Variants in DOCK3 observed in about 807,000 individuals in gnomAD.
DOCK3 encodes the protein dedicator of cytokinesis protein 3.
Under a neutral mutation model 265.6 loss-of-function variants are expected in DOCK3, and 60 were observed. The observed-to-expected ratio is 0.23, with a 90% CI of 0.18 to 0.28. The LOEUF (loss-of-function observed/expected upper bound fraction) is 0.28, where lower values mean the gene tolerates loss of function less well. DOCK3 is among the 10% of genes least tolerant of loss of function. The pLI, the probability that DOCK3 is intolerant of heterozygous loss-of-function variation, is 1.00. For synonymous variants in DOCK3, 881 were observed against 938.0 expected, an observed-to-expected ratio of 0.94 and a Z score of 1.11; for missense variants, 1,981 against 2,594.3, an observed-to-expected ratio of 0.76 and a Z score of 5.14.
At chr3:50,815,761 A>G (rs2044035820) in intron 2 of DOCK3, among the ~76,000 whole-genome samples, 1 of 152,198 alleles carries the variant, frequency 6.6e-6, no homozygotes, top group Non-Finnish European at 1.5e-5. Flanking sequence ...TCAAAAGACA[A>G]AATTACAACG....
intron 27 of DOCK3, among the ~76,000 whole-genome samples, chr3:51,297,605 A>C (rs2109289508): frequency 6.6e-6 from 1 of 152,234 alleles, no homozygotes; most frequent in African/African-American, 2.4e-5. Flanking sequence ...TCATTAAGGA[A>C]ATGTAAATTA....
At chr3:51,314,473 C>A (rs780613241) in intron 31 of DOCK3, among the ~76,000 whole-genome samples, 1 of 152,172 alleles carries the variant, frequency 6.6e-6, no homozygotes, top group Non-Finnish European at 1.5e-5. Flanking sequence ...TGAACATAGG[C>A]AGTGTAAAAA....
At chr3:51,344,344 G>A (rs2085424138) in intron 38 of DOCK3, among the ~76,000 whole-genome samples, 1 of 152,222 alleles carries the variant, frequency 6.6e-6, no homozygotes, top group Non-Finnish European at 1.5e-5. Flanking sequence ...TATTAGGCCA[G>A]GCAAGGTGGC....
intron 5 of DOCK3, among the ~76,000 whole-genome samples, chr3:50,996,661 A>T (rs533542620): frequency 6.6e-6 from 1 of 152,044 alleles, no homozygotes; most frequent in Non-Finnish European, 1.5e-5. Context: ...TGGGGGGAAA[A>T]CTGTGTAACG....
chr3:51,130,072 C>T (rs965740958), intron 9 of DOCK3, among the ~76,000 whole-genome samples: 5 of 152,206 alleles, frequency 3.3e-5, no homozygotes, highest in Non-Finnish European at 5.9e-5. Flanking sequence ...AGGAATATCT[C>T]GACAAGCCCC....
intron 40 of DOCK3, 90 bp from the exon 41 acceptor site, chr3:51,354,792 G>T: frequency 2.0e-6 from 3 of 1,537,032 alleles, no homozygotes; most frequent in Non-Finnish European, 2.6e-6. Flanking sequence ...CCTAAGATAT[G>T]TTTGTGCTAT....
chr3:50,892,701 C>G (rs1403952195), intron 4 of DOCK3, among the ~76,000 whole-genome samples: 1 of 152,072 alleles, frequency 6.6e-6, no homozygotes, highest in Non-Finnish European at 1.5e-5. Context: ...GTGAGAGGCT[C>G]ACTGCAGCTA....
intron 4 of DOCK3, among the ~76,000 whole-genome samples, chr3:50,926,373 C>T (rs1381763885): frequency 6.6e-6 from 1 of 152,092 alleles, no homozygotes. Context: ...AAAAGTTTGC[C>T]TATTAATTTG....
At position 51,044,813 on chromosome 3, in the gene DOCK3, A is replaced by G. The variant is rs114934681; in HGVS notation, c.316-19635A>G. On this transcript the variant is annotated intron_variant, in intron 5 of 52. Coordinates refer to ENST00000266037, the MANE Select transcript of DOCK3 (RefSeq NM_004947.5). The stretch of plus-strand genomic sequence containing the variant: ...ATCTTTCTTTAAACCTCATGAACCA[A>G]CCTCTTTTAGCTTAGACTTTTCTTC... Among the ~76,000 whole-genome samples the G allele has an allele frequency of 2.8e-3, 427 of 151,910 alleles. 3 individuals carry two copies. The highest frequency in any genetic ancestry group is 0.017 in the Middle Eastern group (5 of 294).
intron 38 of DOCK3, among the ~76,000 whole-genome samples, chr3:51,344,722 G>A (rs909075677): frequency 6.6e-6 from 1 of 152,272 alleles, no homozygotes; most frequent in East Asian, 1.9e-4. Context: ...CTGAAGGAGG[G>A]AAACCAAGGC....
In DOCK3 at chr3:50,787,027, A is replaced by C. The variant is rs749677349; in HGVS notation, c.121+8269A>C. On this transcript the variant is annotated intron_variant, in intron 2 of 52. Transcript: ENST00000266037. ...CATAGAATTTTTTCTCACAAATTTC[A>C]CAGGAAAATTTCTTTTCTTCATATC... The C allele has an allele frequency of 4.2e-5, 31 of 740,836 alleles. No homozygotes were observed. In the African/African-American group the frequency reaches 4.8e-4, roughly 11 times the overall value. The allele number at this position is 740,836 out of a possible 1,614,324, so 45.9% of individuals were successfully genotyped here. A position where few individuals can be genotyped will look rare whatever the true frequency, so the allele number is the denominator to read the frequency against.
At chr3:51,036,197 C>T (rs1415380826) in intron 5 of DOCK3, among the ~76,000 whole-genome samples, 1 of 152,066 alleles carries the variant, frequency 6.6e-6, no homozygotes. Context: ...TTGTATTTTG[C>T]CCAGAGTTTA....
chr3:51,046,051 T>C (rs1316995505), intron 5 of DOCK3, among the ~76,000 whole-genome samples: 1 of 152,032 alleles, frequency 6.6e-6, no homozygotes, highest in Non-Finnish European at 1.5e-5. Context: ...TAAGAAGTTT[T>C]ACAAAAGCCT....
In DOCK3 at chr3:51,278,677, T is replaced by TA. The variant is rs1166152489; in HGVS notation, c.2823+924dup. 1.8e-5 allele frequency: 9 copies of TA among 487,514 alleles called. No individual in the cohort carries two copies. In the Admixed American group the frequency reaches 5.8e-4, roughly 31 times the overall value. 30.2% of individuals were successfully genotyped at this position (487,514 alleles called of 1,614,324 possible). A position where few individuals can be genotyped will look rare whatever the true frequency, so the allele number is the denominator to read the frequency against. The stretch of plus-strand genomic sequence containing the variant: ...GTAACCCAGCCTTCTAACCAACACT[T>TA]ACACAGTGCTTGCTGTGGGCCAGAC... On this transcript the variant is annotated intron_variant, in intron 26 of 52. Coordinates refer to ENST00000266037, the MANE Select transcript of DOCK3 (RefSeq NM_004947.5).
At position 51,374,072 on chromosome 3, in the gene DOCK3, AT is replaced by A. The variant is rs755372847; in HGVS notation, c.5294-395del. On this transcript the variant is annotated intron_variant, in intron 49 of 52. Transcript: ENST00000266037. The surrounding 1 kb of genome is among the most constrained non-coding windows in gnomAD (Gnocchi z 4.8). ...TCTCTGTCTCTGTGTGAGTGTCTCC[AT>A]TGCAAGCTGGCCTGTTCCCATGCCT... Among the ~76,000 whole-genome samples, 27 of 152,148 alleles carry A rather than the reference AT, an allele frequency of 1.8e-4. No homozygotes were observed. The highest frequency in any genetic ancestry group is 3.8e-4 in the Non-Finnish European group (26 of 68,016).
intron 22 of DOCK3, among the ~76,000 whole-genome samples, chr3:51,258,525 A>G (rs1560301095): frequency 1.3e-5 from 2 of 151,524 alleles, no homozygotes; most frequent in African/African-American, 4.8e-5. Flanking sequence ...TTTTTTGGAG[A>G]CGGAGTCTTG....
chr3:51,361,899 T>A lies in DOCK3; in HGVS notation c.5047T>A (p.Ser1683Thr). 1 of 1,613,348 alleles carries A rather than the reference T, an allele frequency of 6.2e-7. No individual in the cohort carries two copies. The highest frequency in any genetic ancestry group is 8.5e-7 in the Non-Finnish European group (1 of 1,179,666). ...LMGTGRHSSS[S>T]LSSHASSEAG... The stretch of plus-strand genomic sequence containing the variant: ...GGGCACAGGCCGCCATTCATCATCC[T>A]CTCTCTCCTCACATGCGTCTAGTGA... The change falls in exon 48 of 53, where the codon TCT becomes ACT. Residue 1683 changes from serine (S) to threonine (T), a missense_variant. Around this residue, in one of 4 missense-constraint regions of DOCK3, gnomAD observed 1,357 missense variants for 1,866.8 expected, o/e 0.73. Transcript: ENST00000266037. The surrounding 1 kb of genome is among the most constrained non-coding windows in gnomAD (Gnocchi z 4.2).
intron 5 of DOCK3, among the ~76,000 whole-genome samples, chr3:51,000,301 G>A (rs2078431689): frequency 1.3e-5 from 2 of 152,210 alleles, no homozygotes; most frequent in African/African-American, 4.8e-5. Context: ...ACAGACAAAA[G>A]TGTCTTGTGG....
At chr3:51,063,613 C>A (rs548461456) in intron 5 of DOCK3, among the ~76,000 whole-genome samples, 18 of 152,200 alleles carry the variant, frequency 1.2e-4, no homozygotes, top group Admixed American at 1.2e-3. Context: ...TCAGTTACAT[C>A]CCAAGAATTT....
Sources: allele counts gnomAD v4.1 joint callset (sites outside exome capture counted in the v4.1 genomes callset), GRCh38; gene constraint gnomAD v4.1.1; regional missense constraint gnomAD v4.1.1; non-coding constraint Gnocchi (gnomAD v3.1); transcripts MANE v1.5; gene names NCBI Gene and HGNC (gene_info 2026-07-23, HGNC 2026-07-21).